Variants in TMEM33 observed in about 807,000 individuals in gnomAD.
TMEM33 encodes the protein transmembrane protein 33.
Under a neutral mutation model 29.7 loss-of-function variants are expected in TMEM33, and 16 were observed. That is an observed-to-expected ratio of 0.54 (90% CI 0.36 to 0.82). The LOEUF (loss-of-function observed/expected upper bound fraction) is 0.82, where lower values mean the gene tolerates loss of function less well. Among genes scored for constraint, TMEM33 ranks in the 40% least tolerant of loss-of-function variants. The pLI is 0.00. For missense variants in TMEM33, 252 were observed against 295.3 expected, an observed-to-expected ratio of 0.85 and a Z score of 1.08; for synonymous variants, 112 against 109.4, an observed-to-expected ratio of 1.02 and a Z score of -0.15.
At chr4:41,936,647 C>G (rs113121354) in intron 1 of TMEM33, among the ~76,000 whole-genome samples, 4,368 of 152,266 alleles carry the variant, frequency 0.029, 104 homozygotes, top group African/African-American at 0.056. Flanking sequence ...GTGGGTTGTG[C>G]TTTTGCGCTC....
chr4:41,944,755 C>G, intron 4 of TMEM33, 38 bp from the exon 5 acceptor site: 1 of 1,604,532 alleles, frequency 6.2e-7, no homozygotes. Flanking sequence ...ATCAGAAATG[C>G]TTCACTTATT....
intron 3 of TMEM33, among the ~76,000 whole-genome samples, chr4:41,943,042 A>G (rs7681854): frequency 0.13 from 19,208 of 152,202 alleles, 1,585 homozygotes; most frequent in African/African-American, 0.23. Context: ...AGATTGTGAA[A>G]GCACTGTAAA....
chr4:41,943,322 C>T (rs1415123339), intron 3 of TMEM33, among the ~76,000 whole-genome samples: 2 of 152,030 alleles, frequency 1.3e-5, no homozygotes, highest in Non-Finnish European at 2.9e-5. Flanking sequence ...GTAAGGAGTT[C>T]GAGACCAGCC....
At chr4:41,947,064 C>G (rs887714749) in intron 5 of TMEM33, among the ~76,000 whole-genome samples, 1 of 151,916 alleles carries the variant, frequency 6.6e-6, no homozygotes, top group Non-Finnish European at 1.5e-5. Context: ...GGTGAAACCC[C>G]GTCTCTACTA....
At chr4:41,949,630 T>G (rs1356858379) in intron 6 of TMEM33, among the ~76,000 whole-genome samples, 1 of 152,140 alleles carries the variant, frequency 6.6e-6, no homozygotes, top group Non-Finnish European at 1.5e-5. Context: ...ACTTAGCAAA[T>G]TTTAAAATGT....
chr4:41,942,035 A>G (rs150994861), intron 3 of TMEM33, among the ~76,000 whole-genome samples: 7 of 152,352 alleles, frequency 4.6e-5, no homozygotes, highest in African/African-American at 1.4e-4. Context: ...AACTTGACCT[A>G]GGAAAATTAG....
chr4:41,943,180 G>A (rs1019285647), intron 3 of TMEM33, among the ~76,000 whole-genome samples: 1 of 152,172 alleles, frequency 6.6e-6, no homozygotes, highest in African/African-American at 2.4e-5. Context: ...TTGTTACCCA[G>A]TAGAAATGAA....
chr4:41,943,828 C>G lies in TMEM33; in HGVS notation c.396+14C>G. On this transcript the variant is annotated intron_variant, in intron 4 of 6. Coordinates refer to ENST00000504986, the MANE Select transcript of TMEM33 (RefSeq NM_018126.3). ...AAGGTCCTTGACGTAAGTAAAACTG[C>G]TCTTTGTCTGACTTCTGAATTACAG... is the stretch of plus-strand genomic sequence containing the variant. 6.2e-7 allele frequency: 1 copy of G among 1,610,754 alleles called. No individual in the cohort carries two copies. The highest frequency in any genetic ancestry group is 1.1e-5 in the South Asian group (1 of 90,830).
At chr4:41,945,987 A>G (rs986880300) in intron 5 of TMEM33, among the ~76,000 whole-genome samples, 3 of 150,754 alleles carry the variant, frequency 2.0e-5, no homozygotes, top group South Asian at 2.1e-4. Context: ...AAAAAAAAAA[A>G]AAAAGAAAAG....
At chr4:41,935,389 A>G (rs368971723), upstream of TMEM33, 47 of 1,339,086 alleles carry the variant, frequency 3.5e-5, no homozygotes, top group African/African-American at 6.2e-4. Context: ...GAGGCAGGGA[A>G]GCCGGTACCC....
intron 3 of TMEM33, among the ~76,000 whole-genome samples, chr4:41,943,141 A>G (rs1342425052): frequency 6.6e-6 from 1 of 152,176 alleles, no homozygotes; most frequent in African/African-American, 2.4e-5. Flanking sequence ...GGTGGCCTAG[A>G]TTTCAGTTTA....
rs747132025 is a variant in TMEM33 at position 41,949,366 on chromosome 4, CGAA to C, written c.599_601del (p.Arg200del). On this transcript the variant is annotated inframe_deletion, in exon 6 of 7. Transcript: ENST00000504986. ...ATTTCTTACCCTTCGATATTCGTCT[CGAA>C]GAAACCCATATTGTCGGTAAGCTGA... The C allele has an allele frequency of 3.1e-6, 5 of 1,609,576 alleles. No individual in the cohort carries two copies.
At chr4:41,936,793 G>A (rs760656861) in intron 1 of TMEM33, among the ~76,000 whole-genome samples, 1 of 152,094 alleles carries the variant, frequency 6.6e-6, no homozygotes, top group Non-Finnish European at 1.5e-5. Context: ...GATACTGATA[G>A]TTTTCAAGAG....
At chr4:41,935,344 G>T (rs1254832216), upstream of TMEM33, 1 of 912,130 alleles carries the variant, frequency 1.1e-6, no homozygotes, top group Non-Finnish European at 1.8e-6. Context: ...GAGGCTCAGA[G>T]TTCCGGCAGG....
At chr4:41,947,319 GT>G (rs1358852531) in intron 5 of TMEM33, among the ~76,000 whole-genome samples, 3 of 151,318 alleles carry the variant, frequency 2.0e-5, no homozygotes, top group African/African-American at 7.3e-5. Flanking sequence ...TCCAGATTCT[GT>G]TTAGTAAGCA....
At chr4:41,942,414 G>A (rs1712583407) in intron 3 of TMEM33, among the ~76,000 whole-genome samples, 1 of 152,122 alleles carries the variant, frequency 6.6e-6, no homozygotes, top group African/African-American at 2.4e-5. Flanking sequence ...ATAGGTTGGT[G>A]TCTTGCTTGT....
intron 6 of TMEM33, among the ~76,000 whole-genome samples, chr4:41,950,106 A>G (rs996703838): frequency 6.6e-6 from 1 of 152,162 alleles, no homozygotes; most frequent in African/African-American, 2.4e-5. Context: ...CATCGTCAGA[A>G]TATTCTTCTG....
At chr4:41,935,590 G>T (rs940780422) in intron 1 of TMEM33, 61 bp downstream of exon 1, 2 of 1,536,432 alleles carry the variant, frequency 1.3e-6, no homozygotes, top group African/African-American at 2.7e-5. Context: ...AGCAGGAAGC[G>T]TTGCGAGTCC....
At chr4:41,941,289 T>C (rs1452181551) in intron 3 of TMEM33, among the ~76,000 whole-genome samples, 5 of 152,258 alleles carry the variant, frequency 3.3e-5, no homozygotes, top group Admixed American at 6.5e-5. Flanking sequence ...ATTATTGGCT[T>C]GACCAGCCTC....
Sources: gnomAD v4.1 joint callset for allele counts (sites outside exome capture counted in the v4.1 genomes callset) on GRCh38, gnomAD v4.1.1 for gene constraint, MANE v1.5 for transcripts, NCBI Gene and HGNC (gene_info 2026-07-23, HGNC 2026-07-21) for gene names.